The following NCAPH2 variants were observed in gnomAD, a reference collection of about 807,000 sequenced individuals.
NCAPH2 encodes the protein condensin-2 complex subunit H2.
NCAPH2 carries 56 observed loss-of-function variants against 88.6 expected under a neutral mutation model. The ratio of observed to expected loss-of-function variants is 0.63; its 90% confidence interval spans 0.51 to 0.79. The LOEUF is 0.79. Ranked by LOEUF, NCAPH2 falls within the 30% of genes least tolerant of loss-of-function variation. The pLI is 0.00. For missense variants in NCAPH2, 794 were observed against 792.0 expected (o/e 1.00, Z -0.03); for synonymous variants, 378 against 313.6 (o/e 1.21, Z -2.17).
At position 50,523,519 on chromosome 22, in the gene NCAPH2, G is replaced by A. The variant is rs1270497202; in HGVS notation, c.*144G>A. The A allele has an allele frequency of 5.8e-6, 9 of 1,555,572 alleles. No homozygotes were observed. Among genetic ancestry groups the A allele is most frequent in the Non-Finnish European group, 7.9e-6 (9 of 1,145,220 alleles). Reference sequence around the variant, plus strand: ...TATGTACACCTGCGCAGAGAAGAGGGCTGCCTGGCCTCCCTGGGCCGCTGG... The same window carrying A: ...TATGTACACCTGCGCAGAGAAGAGGACTGCCTGGCCTCCCTGGGCCGCTGG... On this transcript the variant is annotated 3_prime_UTR_variant, in exon 20 of 20. Transcript: ENST00000420993.
intron 1 of NCAPH2, among the ~76,000 whole-genome samples, chr22:50,514,423 G>C (rs1383013413): frequency 6.6e-6 from 1 of 152,160 alleles, no homozygotes; most frequent in Non-Finnish European, 1.5e-5. Flanking sequence ...AGGTGGGTTG[G>C]GGGCTATTTG....
intron 7 of NCAPH2, 60 bp from the exon 8 acceptor site, chr22:50,518,589 G>A (rs746676577): frequency 8.5e-5 from 127 of 1,502,106 alleles, no homozygotes; most frequent in Admixed American, 4.5e-4. Flanking sequence ...GTTGAACACC[G>A]GGCAGGGACC....
rs1280228606 is a variant in NCAPH2, at chr22:50,517,639, T to C, written c.329T>C (p.Val110Ala). 6 of 1,613,998 alleles carry C rather than the reference T, an allele frequency of 3.7e-6. No homozygotes were observed. Among genetic ancestry groups the C allele is most frequent in the Admixed American group, 3.3e-5 (2 of 60,018 alleles). The change falls in exon 4 of 20, where the codon GTC becomes GCC. Residue 110 changes from valine to alanine, a missense_variant. Coordinates refer to ENST00000420993, the MANE Select transcript of NCAPH2 (RefSeq NM_152299.4). ...GCCAATGGGGTTGCCAGCTCCGGGG[T>C]CCCCCAGGAGGCAGAGAATGAGGTG... ...DRANGVASSG[V>A]PQEAENEFLS... is the part of the protein sequence containing the mutation.
chr22:50,514,038 C>T (rs574289377), intron 1 of NCAPH2, among the ~76,000 whole-genome samples: 42 of 152,200 alleles, frequency 2.8e-4, no homozygotes, highest in Admixed American at 1.4e-3. Context: ...ACCCAGGAGG[C>T]GGAGGTTGCA....
chr22:50,517,779 C>G lies in NCAPH2; in HGVS notation c.390C>G (p.Asn130Lys). The change falls in exon 5 of 20, where the codon AAC becomes AAG. Residue 130 changes from asparagine to lysine, a missense_variant. Physicochemically the swap from Asn to Lys is moderately conservative, Grantham distance 94. Coordinates refer to ENST00000420993, the MANE Select transcript of NCAPH2 (RefSeq NM_152299.4). The stretch of plus-strand genomic sequence containing the variant: ...ATGACTTCCCTGACTCCCGGACTAA[C>G]GTGGATCTCAAGAATGATCAGACGC... ...SLDDFPDSRT[N>K]VDLKNDQTPS... 2 of 1,613,982 alleles carry G rather than the reference C, an allele frequency of 1.2e-6. No individual in the cohort carries two copies. The highest frequency in any genetic ancestry group is 1.1e-5 in the South Asian group (1 of 91,090).
chr22:50,508,449 A>C lies in NCAPH2; in HGVS notation c.108+4A>C. The C allele has an allele frequency of 1.1e-5, 6 of 530,612 alleles. No individual in the cohort carries two copies. Among genetic ancestry groups the C allele is most frequent in the Non-Finnish European group, 1.4e-5 (6 of 420,982 alleles). 32.9% of individuals were successfully genotyped at this position (530,612 alleles called of 1,614,324 possible). On this transcript the variant is annotated splice_donor_region_variant and intron_variant, in intron 1 of 19. Transcript: ENST00000420993. The stretch of plus-strand genomic sequence containing the variant: ...GCTGGGCGAGTATCTGGAGGAGGTA[A>C]GGGCGGCGGGGGAGTGACGCGGGGT...
Position 50,508,294 on chromosome 22 carries a change from G to A in NCAPH2, c.-44G>A, listed in dbSNP as rs2068681064. On this transcript the variant is annotated 5_prime_UTR_variant, in exon 1 of 20. Transcript: ENST00000420993. ...CGGGCTGAGGACGCCGTACCCCTCGGAAGGCAGCCCTGCGGTCCCTTTGCC... is the reference window on the plus strand; with the variant it reads ...CGGGCTGAGGACGCCGTACCCCTCGAAAGGCAGCCCTGCGGTCCCTTTGCC... The A allele has an allele frequency of 7.1e-7, 1 of 1,410,236 alleles. No homozygotes were observed. Among genetic ancestry groups the A allele is most frequent in the Non-Finnish European group, 9.4e-7 (1 of 1,066,300 alleles). The allele number at this position is 1,410,236 out of a possible 1,614,324, so 87.4% of individuals were successfully genotyped here.
At chr22:50,518,823 C>A in intron 8 of NCAPH2, 91 bp downstream of exon 8, 1 of 1,258,048 alleles carries the variant, frequency 7.9e-7, no homozygotes, top group Non-Finnish European at 1.1e-6. Context: ...CAAGGGGCTG[C>A]TCTCAGCTGC....
intron 8 of NCAPH2, 64 bp from the exon 9 acceptor site, chr22:50,519,126 T>C: frequency 7.0e-7 from 1 of 1,433,632 alleles, no homozygotes; most frequent in South Asian, 1.4e-5. Context: ...GCCATCAGGG[T>C]CCCTTTGGTG....
chr22:50,509,078 C>G (rs747526874), intron 1 of NCAPH2, among the ~76,000 whole-genome samples: 2 of 152,158 alleles, frequency 1.3e-5, no homozygotes, highest in Non-Finnish European at 2.9e-5. Flanking sequence ...CTGGCCACTC[C>G]TTTCTTTTTG....
Position 50,521,977 on chromosome 22 carries a change from C to A in NCAPH2, c.1109-9C>A. On this transcript the variant is annotated splice_polypyrimidine_tract_variant and intron_variant, in intron 12 of 19. Coordinates refer to ENST00000420993, the MANE Select transcript of NCAPH2 (RefSeq NM_152299.4). Reference sequence around the variant, plus strand: ...TGGCCTGGCTGGTGCTGAGCATGTTCTTTCACAGATGCAGACCATGCCGAC... The same window carrying A: ...TGGCCTGGCTGGTGCTGAGCATGTTATTTCACAGATGCAGACCATGCCGAC... 1 of 1,613,934 alleles carries A rather than the reference C, an allele frequency of 6.2e-7. No homozygotes were observed. Among genetic ancestry groups the A allele is most frequent in the South Asian group, 1.1e-5 (1 of 91,092 alleles).
intron 9 of NCAPH2, chr22:50,519,775 G>A (rs1034244400): frequency 2.0e-6 from 2 of 985,644 alleles, no homozygotes; most frequent in Non-Finnish European, 2.4e-6. Context: ...AAATGTTAAC[G>A]TTTCTTCACT....
rs201337204 is a variant in NCAPH2 at position 50,523,124 on chromosome 22, G to A, written c.1635G>A (p.Pro545=). The change falls in exon 19 of 20, where the codon CCG becomes CCA. Residue 545 remains proline (P), a synonymous_variant. Coordinates refer to ENST00000420993, the MANE Select transcript of NCAPH2 (RefSeq NM_152299.4). The stretch of plus-strand genomic sequence containing the variant: ...TTGCGGAGCTGGTGGCTGGCCAGCC[G>A]GCCTTCGAGGTGTGTCGTTCCATGC... ...CPFAELVAGQ[P]AFEVCRSMLA... 5.8e-5 allele frequency: 93 copies of A among 1,613,324 alleles called. No homozygotes were observed. Among genetic ancestry groups the A allele is most frequent in the Admixed American group, 1.8e-4 (11 of 59,928 alleles).
rs753929494 is a variant in NCAPH2 at position 50,508,313 on chromosome 22, C to T, written c.-25C>T. 1.5e-4 allele frequency: 225 copies of T among 1,473,766 alleles called. No individual in the cohort carries two copies. Among genetic ancestry groups the T allele is most frequent in the Non-Finnish European group, 1.9e-4 (207 of 1,115,296 alleles). 91.3% of individuals were successfully genotyped at this position (1,473,766 alleles called of 1,614,324 possible). On this transcript the variant is annotated 5_prime_UTR_variant, in exon 1 of 20. Transcript: ENST00000420993. ...CCCTCGGAAGGCAGCCCTGCGGTCC[C>T]TTTGCCGCCCGTTCCCTCCCGGACA...
Position 50,516,534 on chromosome 22 carries a change from G to T in NCAPH2, c.196G>T (p.Val66Phe). ...AALLIQGSAC[V>F]YSKKVEYLYS... Reference sequence around the variant, plus strand: ...GTTGTTGATCCAGGGCTCTGCCTGCGTCTACAGTAAGAAGGTGGGCCCTGC... The same window carrying T: ...GTTGTTGATCCAGGGCTCTGCCTGCTTCTACAGTAAGAAGGTGGGCCCTGC... Residue 66 changes from valine to phenylalanine, a missense_variant, in exon 2 of 20, where the codon GTC (valine) becomes TTC (phenylalanine). Coordinates refer to ENST00000420993, the MANE Select transcript of NCAPH2 (RefSeq NM_152299.4). 6.2e-7 allele frequency: 1 copy of T among 1,614,138 alleles called. No individual in the cohort carries two copies. The highest frequency in any genetic ancestry group is 8.5e-7 in the Non-Finnish European group (1 of 1,180,000).
intron 8 of NCAPH2, 54 bp from the exon 9 acceptor site, chr22:50,519,136 G>A: frequency 1.3e-6 from 2 of 1,484,332 alleles, no homozygotes; most frequent in Non-Finnish European, 1.8e-6. Flanking sequence ...TCCCTTTGGT[G>A]CCGTCTGGTC....
chr22:50,523,771 T>C lies in NCAPH2; in HGVS notation c.*396T>C. ...CACGATGTAGTCCTGGTCCTCATCC[T>C]TGGGGCCTGCATTGTAGTACACGCG... On this transcript the variant is annotated 3_prime_UTR_variant, in exon 20 of 20. Transcript: ENST00000420993. The C allele has an allele frequency of 1.2e-6, 2 of 1,614,180 alleles. No individual in the cohort carries two copies. Among genetic ancestry groups the C allele is most frequent in the Non-Finnish European group, 1.7e-6 (2 of 1,180,022 alleles).
In NCAPH2 at chr22:50,524,464, C is replaced by T; in HGVS notation, c.*1089C>T. Reference sequence around the variant, plus strand: ...AGGCGTCAGGAGCCAGAAGGGAAGGCCCAGGACAGTGCCTGGGCTGCCCCT... The same window carrying T: ...AGGCGTCAGGAGCCAGAAGGGAAGGTCCAGGACAGTGCCTGGGCTGCCCCT... On this transcript the variant is annotated 3_prime_UTR_variant, in exon 20 of 20. Coordinates refer to ENST00000420993, the MANE Select transcript of NCAPH2 (RefSeq NM_152299.4). 1.9e-6 allele frequency: 3 copies of T among 1,584,262 alleles called. No individual in the cohort carries two copies. The highest frequency in any genetic ancestry group is 2.3e-5 in the East Asian group (1 of 43,924).
chr22:50,513,853 T>A (rs918074475), intron 1 of NCAPH2, among the ~76,000 whole-genome samples: 4 of 152,072 alleles, frequency 2.6e-5, no homozygotes, highest in Non-Finnish European at 5.9e-5. Flanking sequence ...TGTGGAGAGT[T>A]TGGGGGGCTT....
Sources: allele counts gnomAD v4.1 joint callset (sites outside exome capture counted in the v4.1 genomes callset), GRCh38; gene constraint gnomAD v4.1.1; transcripts MANE v1.5; gene names NCBI Gene and HGNC (gene_info 2026-07-23, HGNC 2026-07-21).